Variants in BCAS3 observed in about 807,000 individuals in gnomAD.
BCAS3 encodes the protein BCAS4/BCAS3 fusion.
BCAS3 carries 53 observed loss-of-function variants against 116.1 expected under a neutral mutation model. That is an observed-to-expected ratio of 0.46 (90% CI 0.37 to 0.57). BCAS3 has a LOEUF of 0.57. Ranked by LOEUF, BCAS3 falls within the 20% of genes least tolerant of loss-of-function variation. The pLI, the probability that BCAS3 is intolerant of heterozygous loss-of-function variation, is 0.00. For missense variants in BCAS3, 917 were observed against 1,165.4 expected (o/e 0.79, Z 3.10); for synonymous variants, 391 against 408.2 (o/e 0.96, Z 0.51).
chr17:61,079,071 C>CT (rs964840617), intron 21 of BCAS3, among the ~76,000 whole-genome samples: 18 of 147,850 alleles, frequency 1.2e-4, no homozygotes, highest in South Asian at 4.3e-4. Flanking sequence ...TTATTATTAG[C>CT]TTTTTTTTTT....
At chr17:60,947,697 A>G (rs140952858) in intron 14 of BCAS3, among the ~76,000 whole-genome samples, 371 of 152,320 alleles carry the variant, frequency 2.4e-3, no homozygotes, top group African/African-American at 7.4e-3. Flanking sequence ...GATTCTGTGT[A>G]CATAAATATG....
intron 22 of BCAS3, among the ~76,000 whole-genome samples, chr17:61,353,227 A>G (rs1217884502): frequency 1.3e-5 from 2 of 152,138 alleles, no homozygotes. Context: ...AGGAGATAGA[A>G]CCAGATATAC....
At position 61,173,660 on chromosome 17, in the gene BCAS3, C is replaced by T. The variant is rs1487664405; in HGVS notation, c.2425+89096C>T. Among the ~76,000 whole-genome samples, 3 of 152,016 alleles carry T rather than the reference C, an allele frequency of 2.0e-5. No homozygotes were observed. In the East Asian group the frequency reaches 5.8e-4, roughly 29 times the overall value. On this transcript the variant is annotated intron_variant, in intron 22 of 23. Coordinates refer to ENST00000407086, the MANE Select transcript of BCAS3 (RefSeq NM_017679.5). ...TTGGGAGACTGAGGCTGAAGGATCA[C>T]TAGAGGCCAGGAGTTTGAGACCAGC...
At chr17:61,373,810 T>G (rs1184678505) in intron 23 of BCAS3, among the ~76,000 whole-genome samples, 1 of 121,506 alleles carries the variant, frequency 8.2e-6, no homozygotes, top group African/African-American at 3.7e-5. Context: ...TCTTCTTTGT[T>G]TTTTTTTTTT....
chr17:60,912,700 A>G (rs1045992843), intron 12 of BCAS3, among the ~76,000 whole-genome samples: 2 of 152,092 alleles, frequency 1.3e-5, no homozygotes, highest in African/African-American at 4.8e-5. Context: ...CTCTTTTTTA[A>G]TTGAAATGAA....
chr17:61,287,685 C>A (rs568071818), intron 22 of BCAS3, among the ~76,000 whole-genome samples: 10 of 152,054 alleles, frequency 6.6e-5, no homozygotes, highest in Admixed American at 6.5e-4. Context: ...AAGATGGCAT[C>A]GTTACACTCC....
In BCAS3 at chr17:60,924,518, C is replaced by G; in HGVS notation, c.1087+18C>G. The G allele has an allele frequency of 9.1e-7, 1 of 1,100,122 alleles. No individual in the cohort carries two copies. Among genetic ancestry groups the G allele is most frequent in the South Asian group, 1.7e-5 (1 of 59,564 alleles). The allele number at this position is 1,100,122 out of a possible 1,614,324, so 68.1% of individuals were successfully genotyped here. A position where few individuals can be genotyped will look rare whatever the true frequency, so the allele number is the denominator to read the frequency against. ...TACAAGTGGTAAGTTCGCTCTCTGT[C>G]TTTTTTTTTTTTTTTTTTGTAGACC... On this transcript the variant is annotated intron_variant, in intron 13 of 23. Transcript: ENST00000407086.
intron 22 of BCAS3, among the ~76,000 whole-genome samples, chr17:61,320,633 G>A (rs937663853): frequency 2.7e-5 from 4 of 149,942 alleles, no homozygotes; most frequent in African/African-American, 4.9e-5. Context: ...CCGAGATTGC[G>A]CCACTGCACT....
At chr17:60,932,742 C>CAAAA (rs1167994825) in intron 13 of BCAS3, among the ~76,000 whole-genome samples, 45 of 38,202 alleles carry the variant, frequency 1.2e-3, no homozygotes, top group East Asian at 2.2e-3. Flanking sequence ...ACTCTTGTCT[C>CAAAA]AAAAAAAAAA....
At chr17:60,709,697 T>C (rs1185908297) in intron 5 of BCAS3, 1 of 222,106 alleles carries the variant, frequency 4.5e-6, no homozygotes, top group Non-Finnish European at 8.8e-6. Flanking sequence ...CATATGTCTG[T>C]GTATCTTTAT....
At chr17:61,115,590 A>T (rs1320114872) in intron 22 of BCAS3, among the ~76,000 whole-genome samples, 2 of 141,896 alleles carry the variant, frequency 1.4e-5, no homozygotes, top group Non-Finnish European at 3.1e-5. Flanking sequence ...GTCAGGAAAC[A>T]GCAGGTGCTG....
At chr17:60,917,098 A>G (rs908225334) in intron 12 of BCAS3, among the ~76,000 whole-genome samples, 3 of 148,280 alleles carry the variant, frequency 2.0e-5, no homozygotes. Flanking sequence ...CAAAAAGTAG[A>G]AAAAAATCTA....
chr17:60,978,079 T>C (rs923446115), intron 14 of BCAS3, among the ~76,000 whole-genome samples: 1 of 127,476 alleles, frequency 7.8e-6, no homozygotes, highest in Non-Finnish European at 1.5e-5. Flanking sequence ...ATCGCCACAC[T>C]GACTTCCACA....
chr17:61,109,745 G>C lies in BCAS3; in HGVS notation c.2425+25181G>C, dbSNP rs113955698. ...TGGCCATTTGTATATCTTCTTTTGA[G>C]AATTGTCTTTTCACATCCTTAACCC... is the stretch of plus-strand genomic sequence containing the variant. On this transcript the variant is annotated intron_variant, in intron 22 of 23. Transcript: ENST00000407086. Among the ~76,000 whole-genome samples the C allele has an allele frequency of 1.5e-3, 225 of 152,272 alleles. 1 individual carries two copies. Among genetic ancestry groups the C allele is most frequent in the African/African-American group, 4.7e-3 (194 of 41,550 alleles).
At position 60,997,579 on chromosome 17, in the gene BCAS3, AT is replaced by A. The variant is rs777954450; in HGVS notation, c.1486+7349del. 1.6e-4 allele frequency among the ~76,000 whole-genome samples: 25 copies of A among 152,186 alleles called. 1 individual carries two copies. In the South Asian group the frequency reaches 5.0e-3, roughly 30 times the overall value. On this transcript the variant is annotated intron_variant, in intron 15 of 23. Transcript: ENST00000407086. Reference sequence around the variant, plus strand: ...AGGCATTCCTTTCACCAGTTAGTAAATTTTTGTTGAATGAATAAAGCATATC... The same window carrying A: ...AGGCATTCCTTTCACCAGTTAGTAAATTTTGTTGAATGAATAAAGCATATC...
chr17:60,847,722 C>A (rs2052662087), intron 7 of BCAS3, among the ~76,000 whole-genome samples: 1 of 152,154 alleles, frequency 6.6e-6, no homozygotes, highest in African/African-American at 2.4e-5. Context: ...CAAAAATTAA[C>A]AATATATTCA....
Position 61,354,145 on chromosome 17 carries a change from A to T in BCAS3, c.2426-14182A>T, listed in dbSNP as rs1173732097. On this transcript the variant is annotated intron_variant, in intron 22 of 23. Coordinates refer to ENST00000407086, the MANE Select transcript of BCAS3 (RefSeq NM_017679.5). This position sits in a 1 kb window ranked among gnomAD's most constrained non-coding sequence, Gnocchi z 4.5. ...GACCTTCACAGAAGGTCGCACAACC[A>T]CCCTGGACGGTGAGAAACTAAGGTG... 6.6e-6 allele frequency: 1 copy of T among 152,114 alleles called. No individual in the cohort carries two copies. The highest frequency in any genetic ancestry group is 1.5e-5 in the Non-Finnish European group (1 of 68,042). The allele number at this position is 152,114 out of a possible 1,614,324, so 9.4% of individuals were successfully genotyped here.
intron 12 of BCAS3, among the ~76,000 whole-genome samples, chr17:60,915,468 A>G (rs2058732834): frequency 6.6e-6 from 1 of 151,898 alleles, no homozygotes; most frequent in Non-Finnish European, 1.5e-5. Flanking sequence ...TCATCAACGC[A>G]TACTTCTTTG....
At chr17:60,689,828 G>A in intron 4 of BCAS3, 67 bp downstream of exon 4, 2 of 1,103,286 alleles carry the variant, frequency 1.8e-6, no homozygotes, top group Non-Finnish European at 2.7e-6. Flanking sequence ...ATTCCAAAAA[G>A]AGAGCCTCTA....
Sources: allele counts gnomAD v4.1 joint callset (sites outside exome capture counted in the v4.1 genomes callset), GRCh38; gene constraint gnomAD v4.1.1; non-coding constraint Gnocchi (gnomAD v3.1); transcripts MANE v1.5; gene names NCBI Gene and HGNC (gene_info 2026-07-23, HGNC 2026-07-21).